C2orf69: variants seen among roughly 807,000 people sequenced by gnomAD.
C2orf69 encodes the protein chromosome 2 open reading frame 69, also known as mitochondrial protein C2orf69.
In C2orf69, 19 loss-of-function variants were observed where a neutral mutation model predicts 29.5. That is an observed-to-expected ratio of 0.65 (90% CI 0.45 to 0.95). The LOEUF (loss-of-function observed/expected upper bound fraction) is 0.95, where lower values mean the gene tolerates loss of function less well. C2orf69 is among the 40% of genes least tolerant of loss of function. The probability of loss-of-function intolerance (pLI) is 0.00; values close to 1 mark genes in which losing one functional copy is unlikely to be tolerated. For missense variants in C2orf69, 416 were observed against 482.1 expected, an observed-to-expected ratio of 0.86 and a Z score of 1.28; for synonymous variants, 194 against 180.0, an observed-to-expected ratio of 1.08 and a Z score of -0.62.
intron 1 of C2orf69, among the ~76,000 whole-genome samples, chr2:199,922,741 A>G (rs1455201059): frequency 6.6e-6 from 1 of 152,172 alleles, no homozygotes. Context: ...GGACTTGACC[A>G]CTTCTACTCT....
At chr2:199,918,219 A>C (rs1036322075) in intron 1 of C2orf69, among the ~76,000 whole-genome samples, 6 of 152,148 alleles carry the variant, frequency 3.9e-5, no homozygotes, top group Admixed American at 1.3e-4. Context: ...TTAGGTACCT[A>C]TGTTTTTCTC....
chr2:199,925,528 GTGT>G lies in C2orf69; in HGVS notation c.805_807del (p.Val269del). The G allele has an allele frequency of 6.2e-7, 1 of 1,613,822 alleles. No individual in the cohort carries two copies. Among genetic ancestry groups the G allele is most frequent in the Non-Finnish European group, 8.5e-7 (1 of 1,179,800 alleles). Reference sequence around the variant, plus strand: ...ACTTTGATTGGATTCAGTAAAGGTTGTGTTGTTTTGAATCAGTTGCTTTTTGAA... The same window carrying G: ...ACTTTGATTGGATTCAGTAAAGGTTGTGTTTTGAATCAGTTGCTTTTTGAA... On this transcript the variant is annotated inframe_deletion, in exon 2 of 2. Transcript: ENST00000319974. This position sits in a 1 kb window ranked among gnomAD's most constrained non-coding sequence, Gnocchi z 4.9.
At chr2:199,916,847 G>A (rs1386376868) in intron 1 of C2orf69, among the ~76,000 whole-genome samples, 1 of 152,222 alleles carries the variant, frequency 6.6e-6, no homozygotes, top group Non-Finnish European at 1.5e-5. Context: ...CAGGCACACG[G>A]TGCAAGCTGT....
chr2:199,925,262 T>C lies in C2orf69; in HGVS notation c.534T>C (p.Asn178=), dbSNP rs1191932017. ...KSNMFGAPEH[N]TDFGAFKHLY... ...ACATGTTTGGTGCCCCAGAACACAA[T>C]ACTGACTTTGGAGCTTTTAAGCACC... The change falls in exon 2 of 2, where the codon AAT becomes AAC. Residue 178 remains asparagine (N), a synonymous_variant. Coordinates refer to ENST00000319974, the MANE Select transcript of C2orf69 (RefSeq NM_153689.6). The surrounding 1 kb of genome is among the most constrained non-coding windows in gnomAD (Gnocchi z 4.9). 1 of 1,612,348 alleles carries C rather than the reference T, an allele frequency of 6.2e-7. No homozygotes were observed. Among genetic ancestry groups the C allele is most frequent in the Non-Finnish European group, 8.5e-7 (1 of 1,179,766 alleles).
Position 199,926,056 on chromosome 2 carries a change from G to C in C2orf69, c.*170G>C, listed in dbSNP as rs1242897034. 13 of 556,816 alleles carry C rather than the reference G, an allele frequency of 2.3e-5. No individual in the cohort carries two copies. Among genetic ancestry groups the C allele is most frequent in the Middle Eastern group, 9.4e-4 (2 of 2,130 alleles). The allele number at this position is 556,816 out of a possible 1,614,324, so 34.5% of individuals were successfully genotyped here. On this transcript the variant is annotated 3_prime_UTR_variant, in exon 2 of 2. Transcript: ENST00000319974. Reference sequence around the variant, plus strand: ...TAATGTGCAATAGTATTTTTTGCTTGTGAATGTGAGCAGTTATTAATTTGG... The same window carrying C: ...TAATGTGCAATAGTATTTTTTGCTTCTGAATGTGAGCAGTTATTAATTTGG...
Position 199,926,075 on chromosome 2 carries a change from A to T in C2orf69, c.*189A>T. On this transcript the variant is annotated 3_prime_UTR_variant, in exon 2 of 2. Transcript: ENST00000319974. The stretch of plus-strand genomic sequence containing the variant: ...TTGCTTGTGAATGTGAGCAGTTATT[A>T]ATTTGGATTGAGTTAGAATTAGTTA... 1.9e-6 allele frequency: 1 copy of T among 538,280 alleles called. No individual in the cohort carries two copies. Among genetic ancestry groups the T allele is most frequent in the Non-Finnish European group, 3.3e-6 (1 of 302,926 alleles). The allele number at this position is 538,280 out of a possible 1,614,324, so 33.3% of individuals were successfully genotyped here. A position where few individuals can be genotyped will look rare whatever the true frequency, so the allele number is the denominator to read the frequency against.
chr2:199,925,971 C>A lies in C2orf69; in HGVS notation c.*85C>A. 1 of 869,350 alleles carries A rather than the reference C, an allele frequency of 1.2e-6. No individual in the cohort carries two copies. Among genetic ancestry groups the A allele is most frequent in the Non-Finnish European group, 1.8e-6 (1 of 569,846 alleles). The allele number at this position is 869,350 out of a possible 1,614,324, so 53.9% of individuals were successfully genotyped here. ...TAAATTCAGATAATGGGATGTAATT[C>A]ATAGCTGCATTGTCAGTTTTGGGGT... is the stretch of plus-strand genomic sequence containing the variant. On this transcript the variant is annotated 3_prime_UTR_variant, in exon 2 of 2. Coordinates refer to ENST00000319974, the MANE Select transcript of C2orf69 (RefSeq NM_153689.6). The surrounding 1 kb of genome is among the most constrained non-coding windows in gnomAD (Gnocchi z 4.9).
rs2077330836 is a variant in C2orf69, at chr2:199,925,147, A to G, written c.419A>G (p.His140Arg). 1 of 1,613,020 alleles carries G rather than the reference A, an allele frequency of 6.2e-7. No homozygotes were observed. Among genetic ancestry groups the G allele is most frequent in the Non-Finnish European group, 8.5e-7 (1 of 1,179,274 alleles). The change falls in exon 2 of 2, where the codon CAC (histidine) becomes CGC (arginine). Residue 140 changes from histidine to arginine, a missense_variant. Around this residue, in one of 4 missense-constraint regions of C2orf69, gnomAD observed 225 missense variants for 307.3 expected, o/e 0.73. Transcript: ENST00000319974. The surrounding 1 kb of genome is among the most constrained non-coding windows in gnomAD (Gnocchi z 4.9). ...GAAAATGTTGCTACCATTTTAGCCCACCGGTTCCCCAATAGTTATATTTGG... is the reference window on the plus strand; with the variant it reads ...GAAAATGTTGCTACCATTTTAGCCCGCCGGTTCCCCAATAGTTATATTTGG... ...SLENVATILA[H>R]RFPNSYIWVI...
At chr2:199,917,238 C>T (rs1177674044) in intron 1 of C2orf69, among the ~76,000 whole-genome samples, 1 of 152,190 alleles carries the variant, frequency 6.6e-6, no homozygotes, top group Admixed American at 6.5e-5. Context: ...CCATTTTTTC[C>T]TCTTAGGCCT....
rs766478215 is a variant in C2orf69, at chr2:199,911,556, G to A, written c.118G>A (p.Gly40Ser). 2 of 1,549,694 alleles carry A rather than the reference G, an allele frequency of 1.3e-6. No individual in the cohort carries two copies. The highest frequency in any genetic ancestry group is 1.2e-5 in the South Asian group (1 of 84,022). Reference protein sequence around the residue: ...ARTMNPGGSGGARCSLSAEVR... With the variant: ...ARTMNPGGSGSARCSLSAEVR... Reference sequence around the variant, plus strand: ...AACCATGAACCCGGGCGGCAGCGGCGGCGCGCGATGCTCCCTCTCGGCCGA... The same window carrying A: ...AACCATGAACCCGGGCGGCAGCGGCAGCGCGCGATGCTCCCTCTCGGCCGA... The change falls in exon 1 of 2, where the codon GGC becomes AGC. Residue 40 changes from glycine to serine, a missense_variant. Transcript: ENST00000319974.
Position 199,911,451 on chromosome 2 carries a change from A to C in C2orf69, c.13A>C (p.Arg5=). The change falls in exon 1 of 2, where the codon AGG becomes CGG. Residue 5 remains arginine, a synonymous_variant. Transcript: ENST00000319974. ...GCGGCGGCGACCCATGTGGGGGTTC[A>C]GGCTCCTGCGGTCGCCGCCGTTGCT... MWGF[R]LLRSPPLLLL... is the part of the protein sequence containing the mutation. The C allele has an allele frequency of 6.5e-7, 1 of 1,541,144 alleles. No individual in the cohort carries two copies. The highest frequency in any genetic ancestry group is 8.8e-7 in the Non-Finnish European group (1 of 1,142,616).
chr2:199,913,417 CTATTATATAAAATATA>C (rs370846163), intron 1 of C2orf69, among the ~76,000 whole-genome samples: 16,754 of 54,538 alleles, frequency 0.31, 3,595 homozygotes, highest in South Asian at 0.47. Flanking sequence ...AATATATATT[CTATTATATAAAATATA>C]TATTATATAA....
Position 199,911,402 on chromosome 2 carries a change from A to C in C2orf69, c.-37A>C, listed in dbSNP as rs779068208. The C allele has an allele frequency of 1.4e-6, 2 of 1,439,922 alleles. No homozygotes were observed. Among genetic ancestry groups the C allele is most frequent in the Non-Finnish European group, 1.8e-6 (2 of 1,100,194 alleles). The allele number at this position is 1,439,922 out of a possible 1,614,324, so 89.2% of individuals were successfully genotyped here. On this transcript the variant is annotated 5_prime_UTR_variant, in exon 1 of 2. Transcript: ENST00000319974. ...TCCCTCCCTCAGGAACCCCTCCGCCACCCTCCACCTCCGAACCGCTCTCGC... is the reference window on the plus strand; with the variant it reads ...TCCCTCCCTCAGGAACCCCTCCGCCCCCCTCCACCTCCGAACCGCTCTCGC...
At chr2:199,917,616 G>T (rs1279789064) in intron 1 of C2orf69, among the ~76,000 whole-genome samples, 1 of 152,166 alleles carries the variant, frequency 6.6e-6, no homozygotes, top group Non-Finnish European at 1.5e-5. Context: ...TGAGACCAGT[G>T]CAGCCTAGAC....
At position 199,911,768 on chromosome 2, in the gene C2orf69, G is replaced by A; in HGVS notation, c.330G>A (p.Val110=). The A allele has an allele frequency of 6.5e-7, 1 of 1,538,628 alleles. No individual in the cohort carries two copies. Among genetic ancestry groups the A allele is most frequent in the Non-Finnish European group, 8.7e-7 (1 of 1,146,908 alleles). Residue 110 remains valine (V), a synonymous_variant, in exon 1 of 2, where the codon GTG becomes GTA. Coordinates refer to ENST00000319974, the MANE Select transcript of C2orf69 (RefSeq NM_153689.6). Reference sequence around the variant, plus strand: ...ACGTCCTCTATTTCCCTGGGGATGTGCAGGTAACTCGGGGCCTGCCTGGGT... The same window carrying A: ...ACGTCCTCTATTTCCCTGGGGATGTACAGGTAACTCGGGGCCTGCCTGGGT... ...QHHVLYFPGD[V]QNYHEIMTRH...
intron 1 of C2orf69, among the ~76,000 whole-genome samples, chr2:199,912,710 G>A (rs921552191): frequency 1.3e-5 from 2 of 152,078 alleles, no homozygotes; most frequent in African/African-American, 2.4e-5. Context: ...GCGCAGTCTC[G>A]ACTCACTGCA....
chr2:199,911,597 G>A lies in C2orf69; in HGVS notation c.159G>A (p.Gln53=). 6.5e-7 allele frequency: 1 copy of A among 1,549,646 alleles called. No homozygotes were observed. The highest frequency in any genetic ancestry group is 1.4e-5 in the African/African-American group (1 of 73,158). The change falls in exon 1 of 2, where the codon CAG becomes CAA. Residue 53 remains glutamine, a synonymous_variant. Transcript: ENST00000319974. ...CSLSAEVRRR[Q]CLQLSTVPGA... ...TCTCGGCCGAGGTGCGCCGCCGTCA[G>A]TGCCTGCAGCTTTCCACCGTGCCTG...
At position 199,927,308 on chromosome 2, in the gene C2orf69, T is replaced by A. The variant is rs79900471; in HGVS notation, c.*1422T>A. The A allele has an allele frequency of 8.1e-4, 94 of 115,350 alleles. No homozygotes were observed. The highest frequency in any genetic ancestry group is 1.0e-3 in the East Asian group (4 of 3,958). The allele number at this position is 115,350 out of a possible 1,614,324, so 7.1% of individuals were successfully genotyped here. ...GGGAAGTAACATGCTGCTTTAGGAC[T>A]AAAAAAAAAAAAAAAAAAAAGACAC... On this transcript the variant is annotated 3_prime_UTR_variant, in exon 2 of 2. Transcript: ENST00000319974.
chr2:199,916,362 G>T (rs2077292807), intron 1 of C2orf69, among the ~76,000 whole-genome samples: 1 of 146,712 alleles, frequency 6.8e-6, no homozygotes, highest in Admixed American at 7.0e-5. Flanking sequence ...TTTGGATGGG[G>T]ACACAGCCAA....
Sources: gnomAD v4.1 joint callset for allele counts (sites outside exome capture counted in the v4.1 genomes callset) on GRCh38, gnomAD v4.1.1 for gene constraint, gnomAD v4.1.1 regional missense constraint, Gnocchi (gnomAD v3.1) non-coding constraint, MANE v1.5 for transcripts, NCBI Gene and HGNC (gene_info 2026-07-23, HGNC 2026-07-21) for gene names.